SEPTIN14: variants seen among roughly 807,000 people sequenced by gnomAD.
SEPTIN14 encodes the protein septin 14.
A neutral mutation model predicts 53.6 loss-of-function variants in SEPTIN14; 40 were observed. The ratio of observed to expected loss-of-function variants is 0.75; its 90% CI spans 0.58 to 0.97. SEPTIN14 has a LOEUF of 0.97. Ranked by LOEUF, SEPTIN14 falls within the 50% of genes least tolerant of loss-of-function variation. The probability of loss-of-function intolerance (pLI) is 0.00; values close to 1 mark genes in which losing one functional copy is unlikely to be tolerated. For synonymous variants in SEPTIN14, 138 were observed against 166.8 expected (o/e 0.83, Z 1.33); for missense variants, 471 against 508.2 (o/e 0.93, Z 0.70).
At chr7:55,814,930 G>A (rs1051956733) in intron 7 of SEPTIN14, among the ~76,000 whole-genome samples, 21 of 152,080 alleles carry the variant, frequency 1.4e-4, no homozygotes, top group Admixed American at 9.2e-4. Flanking sequence ...GCATGGTACC[G>A]GCATAAAAAC....
At chr7:55,806,726 G>T (rs2115964806) in intron 8 of SEPTIN14, among the ~76,000 whole-genome samples, 1 of 152,050 alleles carries the variant, frequency 6.6e-6, no homozygotes, top group East Asian at 1.9e-4. Flanking sequence ...GCCTCCCAAA[G>T]TGCTGGGATT....
intron 6 of SEPTIN14, among the ~76,000 whole-genome samples, chr7:55,831,663 AC>A (rs1429771550): frequency 1.3e-5 from 2 of 152,224 alleles, no homozygotes; most frequent in Non-Finnish European, 2.9e-5. Flanking sequence ...GAAATAATCA[AC>A]AGAGTAAACA....
chr7:55,841,701 C>T (rs13239425), intron 5 of SEPTIN14, among the ~76,000 whole-genome samples: 12,006 of 151,976 alleles, frequency 0.079, 1,159 homozygotes, highest in African/African-American at 0.23. Context: ...ACTAAAAATA[C>T]AAAATTAGCC....
intron 7 of SEPTIN14, among the ~76,000 whole-genome samples, chr7:55,812,528 G>A (rs1788720400): frequency 6.6e-6 from 1 of 152,100 alleles, no homozygotes; most frequent in Non-Finnish European, 1.5e-5. Context: ...GGCACTGTAT[G>A]GTGACTACAG....
chr7:55,837,217 G>T (rs1328179571), intron 5 of SEPTIN14, among the ~76,000 whole-genome samples: 2 of 151,662 alleles, frequency 1.3e-5, no homozygotes, highest in African/African-American at 4.8e-5. Flanking sequence ...CCGGGCTGAA[G>T]CGATCCTCCC....
At chr7:55,862,371 A>T (rs1789764931) in intron 1 of SEPTIN14, among the ~76,000 whole-genome samples, 1 of 152,196 alleles carries the variant, frequency 6.6e-6, no homozygotes, top group Non-Finnish European at 1.5e-5. Flanking sequence ...ATGGTTAAAA[A>T]AAAAACAAAA....
intron 2 of SEPTIN14, among the ~76,000 whole-genome samples, chr7:55,852,912 A>C (rs10899769): frequency 0.2 from 30,013 of 152,164 alleles, 3,890 homozygotes; most frequent in East Asian, 0.43. Context: ...GAAGACATAC[A>C]AATGGCAAAC....
At chr7:55,808,048 C>T (rs1409927286) in intron 7 of SEPTIN14, among the ~76,000 whole-genome samples, 1 of 151,940 alleles carries the variant, frequency 6.6e-6, no homozygotes, top group Non-Finnish European at 1.5e-5. Context: ...GACTGTATTA[C>T]AATAATAGTA....
chr7:55,796,601 C>T (rs1481415708), intron 9 of SEPTIN14, among the ~76,000 whole-genome samples: 1 of 151,980 alleles, frequency 6.6e-6, no homozygotes, highest in Non-Finnish European at 1.5e-5. Flanking sequence ...TCAAGTGATC[C>T]TCCCACCTCA....
intron 7 of SEPTIN14, chr7:55,811,492 A>G: frequency 3.6e-6 from 1 of 274,576 alleles, no homozygotes; most frequent in Non-Finnish European, 7.1e-6. Context: ...CAAGTTTTAC[A>G]GTTCTTTTTT....
intron 6 of SEPTIN14, among the ~76,000 whole-genome samples, chr7:55,819,532 T>C (rs1788857691): frequency 6.6e-6 from 1 of 151,962 alleles, no homozygotes; most frequent in Admixed American, 6.6e-5. Flanking sequence ...GAGCTTGCAG[T>C]GAGCCGAGAT....
chr7:55,818,290 G>A (rs1157591345), intron 7 of SEPTIN14, among the ~76,000 whole-genome samples: 1 of 151,840 alleles, frequency 6.6e-6, no homozygotes, highest in Non-Finnish European at 1.5e-5. Context: ...TCACTAATAT[G>A]GTGAAACCCC....
chr7:55,828,830 T>G (rs1490191190), intron 6 of SEPTIN14, among the ~76,000 whole-genome samples: 1 of 152,088 alleles, frequency 6.6e-6, no homozygotes, highest in African/African-American at 2.4e-5. Context: ...TTTCAGGTAT[T>G]TTCCGAGCTT....
Position 55,834,457 on chromosome 7 carries a change from C to A in SEPTIN14, c.688G>T (p.Glu230Ter), listed in dbSNP as rs751231407. 2 of 1,611,942 alleles carry A rather than the reference C, an allele frequency of 1.2e-6. No individual in the cohort carries two copies. Among genetic ancestry groups the A allele is most frequent in the Non-Finnish European group, 1.7e-6 (2 of 1,179,276 alleles). Reference sequence around the variant, plus strand: ...GAGGAGTTCGCTTGAGCAGCAGTTTCTTCATCTGTTGGGAGCTGATATATC... The same window carrying A: ...GAGGAGTTCGCTTGAGCAGCAGTTTATTCATCTGTTGGGAGCTGATATATC... ...IQIYQLPTDEETAAQANSSVS... is the reference protein window; with the variant it reads ...IQIYQLPTDE Residue 230 changes from glutamate to a stop codon, truncating the protein, a stop_gained, in exon 6 of 10, where the codon GAA (glutamate) becomes TAA (stop). Transcript: ENST00000388975. LOFTEE classifies it high-confidence loss of function.
chr7:55,814,135 G>C (rs1339650215), intron 7 of SEPTIN14, among the ~76,000 whole-genome samples: 1 of 152,158 alleles, frequency 6.6e-6, no homozygotes, highest in Non-Finnish European at 1.5e-5. Flanking sequence ...AGACCACTGA[G>C]GCAGTACGAG....
Position 55,844,607 on chromosome 7 carries a change from T to A in SEPTIN14, c.287A>T (p.Tyr96Phe). 1 of 1,610,188 alleles carries A rather than the reference T, an allele frequency of 6.2e-7. No homozygotes were observed. Among genetic ancestry groups the A allele is most frequent in the Non-Finnish European group, 8.5e-7 (1 of 1,176,898 alleles). Reference sequence around the variant, plus strand: ...CTGAACATTGCTTTCCTGAAGTTCATATGTCTGAATTTGAAGTCCAACATT... The same window carrying A: ...CTGAACATTGCTTTCCTGAAGTTCAAATGTCTGAATTTGAAGTCCAACATT... Reference protein sequence around the residue: ...YSNVGLQIQTYELQESNVQLK... With the variant: ...YSNVGLQIQTFELQESNVQLK... Residue 96 changes from tyrosine to phenylalanine, a missense_variant, in exon 4 of 10, where the codon TAT becomes TTT. Tyr to Phe is a conservative substitution (Grantham distance 22, BLOSUM62 3). Coordinates refer to ENST00000388975, the MANE Select transcript of SEPTIN14 (RefSeq NM_207366.3).
chr7:55,861,972 G>T lies in SEPTIN14; in HGVS notation c.25C>A (p.Pro9Thr). 1 of 1,583,098 alleles carries T rather than the reference G, an allele frequency of 6.3e-7. No individual in the cohort carries two copies. The highest frequency in any genetic ancestry group is 1.2e-5 in the South Asian group (1 of 84,592). The change falls in exon 2 of 10, where the codon CCC becomes ACC. Residue 9 changes from proline to threonine, a missense_variant. By Grantham distance (38) the Pro-to-Thr change is conservative (BLOSUM62 -1). Transcript: ENST00000388975. ...TCTCCATCAGCAGGTATTTGTGTGG[G>T]CATAGCCATTGTTCTTTCTGCCATG... MAERTMAMPTQIPADGDTQ... is the reference protein window; with the variant it reads MAERTMAMTTQIPADGDTQ...
chr7:55,830,331 A>T (rs1382467650), intron 6 of SEPTIN14, among the ~76,000 whole-genome samples: 1 of 28,948 alleles, frequency 3.5e-5, no homozygotes, highest in African/African-American at 2.8e-4. Context: ...GTATATATAT[A>T]TATATATATA....
chr7:55,816,339 C>G (rs369176039), intron 7 of SEPTIN14, among the ~76,000 whole-genome samples: 1 of 151,934 alleles, frequency 6.6e-6, no homozygotes, highest in Non-Finnish European at 1.5e-5. Context: ...TTTAGAATAA[C>G]TAAAAGAGTA....
Sources: allele counts gnomAD v4.1 joint callset (sites outside exome capture counted in the v4.1 genomes callset), GRCh38; gene constraint gnomAD v4.1.1; transcripts MANE v1.5; gene names NCBI Gene and HGNC (gene_info 2026-07-23, HGNC 2026-07-21).